PIK3R5: variants seen among roughly 807,000 people sequenced by gnomAD.
PIK3R5 encodes phosphoinositide-3-kinase regulatory subunit 5.
In PIK3R5, 32 loss-of-function variants were observed where a neutral mutation model predicts 94.9. That is an observed-to-expected ratio of 0.34 (90% confidence interval 0.25 to 0.45). The LOEUF is 0.45. Ranked by LOEUF, PIK3R5 falls within the 20% of genes least tolerant of loss-of-function variation. The probability of loss-of-function intolerance (pLI) is 1.00; values close to 1 mark genes in which losing one functional copy is unlikely to be tolerated. For synonymous variants in PIK3R5, 443 were observed against 479.4 expected, an observed-to-expected ratio of 0.92 and a Z score of 0.99; for missense variants, 853 against 1,144.6, an observed-to-expected ratio of 0.75 and a Z score of 3.68.
rs2089690128 is a variant in PIK3R5 at position 8,882,307 on chromosome 17, C to T, written c.2206-426G>A. ...TTAAACCGAAGAACACTTCTTGGTC[C>T]TCAGCTTACTTGACCTTACAGTTCA... On this transcript the variant is annotated intron_variant, in intron 15 of 18. Coordinates refer to ENST00000447110, the MANE Select transcript of PIK3R5 (RefSeq NM_001142633.3). This position sits in a 1 kb window ranked among gnomAD's most constrained non-coding sequence, Gnocchi z 4.1. 1 of 193,938 alleles carries T rather than the reference C, an allele frequency of 5.2e-6. No homozygotes were observed. The highest frequency in any genetic ancestry group is 2.3e-5 in the African/African-American group (1 of 43,406). 12.0% of individuals were successfully genotyped at this position (193,938 alleles called of 1,614,324 possible).
intron 1 of PIK3R5, among the ~76,000 whole-genome samples, chr17:8,915,375 G>A (rs1442744073): frequency 6.7e-6 from 1 of 148,514 alleles, no homozygotes; most frequent in African/African-American, 2.5e-5. Context: ...GGTGAGCCAA[G>A]ATCATGCCAG....
At chr17:8,954,895 C>T (rs1356678678) in intron 1 of PIK3R5, among the ~76,000 whole-genome samples, 1 of 149,386 alleles carries the variant, frequency 6.7e-6, no homozygotes, top group East Asian at 2.0e-4. Context: ...TAAGATTGTG[C>T]CACTGCACTC....
intron 1 of PIK3R5, among the ~76,000 whole-genome samples, chr17:8,918,589 T>C (rs1198272030): frequency 1.3e-5 from 2 of 152,112 alleles, no homozygotes; most frequent in African/African-American, 2.4e-5. Context: ...GTGAGAGGAA[T>C]GAGAGAAATA....
intron 1 of PIK3R5, among the ~76,000 whole-genome samples, chr17:8,961,376 T>C (rs969962078): frequency 2.6e-5 from 4 of 152,116 alleles, no homozygotes; most frequent in Admixed American, 6.5e-5. Flanking sequence ...TGCTCACACC[T>C]GTAATCCCAG....
chr17:8,927,262 C>A (rs2090900559), intron 1 of PIK3R5, among the ~76,000 whole-genome samples: 1 of 152,210 alleles, frequency 6.6e-6, no homozygotes, highest in Non-Finnish European at 1.5e-5. Flanking sequence ...TAGACAATAC[C>A]TGCTCTATTC....
intron 18 of PIK3R5, 27 bp downstream of exon 18, chr17:8,880,877 TC>T (rs781274038): frequency 6.2e-7 from 1 of 1,612,786 alleles, no homozygotes; most frequent in Non-Finnish European, 8.5e-7. Context: ...CAGAAACTGC[TC>T]CCCTCCCTAG....
chr17:8,910,878 G>A (rs759548511), intron 2 of PIK3R5, among the ~76,000 whole-genome samples: 7 of 152,226 alleles, frequency 4.6e-5, no homozygotes, highest in South Asian at 2.1e-4. Context: ...ACAGCCAGGC[G>A]CCAGCCTTCA....
chr17:8,954,589 C>T (rs1258512838), intron 1 of PIK3R5, among the ~76,000 whole-genome samples: 2 of 152,190 alleles, frequency 1.3e-5, no homozygotes, highest in Non-Finnish European at 2.9e-5. Flanking sequence ...GCTTCCCCTG[C>T]TCTCAGACTT....
chr17:8,947,254 G>C (rs962256658), intron 1 of PIK3R5, among the ~76,000 whole-genome samples: 2 of 152,200 alleles, frequency 1.3e-5, no homozygotes, highest in African/African-American at 4.8e-5. Flanking sequence ...ATGAATCCCT[G>C]CTCCTCGGTC....
rs1313980148 is a variant in PIK3R5 at position 8,904,633 on chromosome 17, A to C, written c.412+144T>G. ...TGCTTGATGGTGCTGTGAAGAGGAG[A>C]CTCCATGTTTGTGAACCAAGGCGTT... On this transcript the variant is annotated intron_variant, in intron 5 of 18. Transcript: ENST00000447110. This position sits in a 1 kb window ranked among gnomAD's most constrained non-coding sequence, Gnocchi z 5.1. 6.9e-6 allele frequency: 5 copies of C among 722,028 alleles called. No homozygotes were observed. Among genetic ancestry groups the C allele is most frequent in the African/African-American group, 1.8e-5 (1 of 56,692 alleles). The allele number at this position is 722,028 out of a possible 1,614,324, so 44.7% of individuals were successfully genotyped here. A position where few individuals can be genotyped will look rare whatever the true frequency, so the allele number is the denominator to read the frequency against.
intron 1 of PIK3R5, among the ~76,000 whole-genome samples, chr17:8,953,357 C>G (rs556856271): frequency 6.6e-6 from 1 of 152,306 alleles, no homozygotes; most frequent in East Asian, 1.9e-4. Flanking sequence ...TCATCTCCCT[C>G]CTCAACCCCA....
At chr17:8,902,032 C>A (rs545194379) in intron 5 of PIK3R5, among the ~76,000 whole-genome samples, 3 of 151,844 alleles carry the variant, frequency 2.0e-5, no homozygotes, top group Admixed American at 1.3e-4. Context: ...CCAGCGCTGG[C>A]ATTTTTGTTC....
intron 1 of PIK3R5, among the ~76,000 whole-genome samples, chr17:8,949,679 C>T (rs1306195200): frequency 6.6e-6 from 1 of 152,164 alleles, no homozygotes; most frequent in African/African-American, 2.4e-5. Flanking sequence ...AACCGAACAT[C>T]ATATGTTCTG....
rs1053717764 is a variant in PIK3R5 at position 8,881,718 on chromosome 17, G to A, written c.2300-6C>T. 20 of 1,613,336 alleles carry A rather than the reference G, an allele frequency of 1.2e-5. No individual in the cohort carries two copies. The highest frequency in any genetic ancestry group is 5.5e-5 in the South Asian group (5 of 91,050). Reference sequence around the variant, plus strand: ...CAGGGCCTCCATGCTGGAATCTGAGGGGCAAGGACACTCAGGCCAGGCTCA... The same window carrying A: ...CAGGGCCTCCATGCTGGAATCTGAGAGGCAAGGACACTCAGGCCAGGCTCA... On this transcript the variant is annotated splice_polypyrimidine_tract_variant and splice_region_variant and intron_variant, in intron 16 of 18. Transcript: ENST00000447110. The surrounding 1 kb of genome is among the most constrained non-coding windows in gnomAD (Gnocchi z 4.8).
chr17:8,929,431 C>T (rs8076812), intron 1 of PIK3R5, among the ~76,000 whole-genome samples: 124,504 of 152,078 alleles, frequency 0.82, 51,253 homozygotes, highest in Non-Finnish European at 0.86. Context: ...TAAAGTGGAG[C>T]TCAGAGCAAA....
rs761533890 is a variant in PIK3R5 at position 8,888,164 on chromosome 17, C to T, written c.1616+7G>A. 6.2e-7 allele frequency: 1 copy of T among 1,613,128 alleles called. No individual in the cohort carries two copies. The highest frequency in any genetic ancestry group is 8.5e-7 in the Non-Finnish European group (1 of 1,179,822). On this transcript the variant is annotated splice_region_variant and intron_variant, in intron 10 of 18. Transcript: ENST00000447110. The surrounding 1 kb of genome is among the most constrained non-coding windows in gnomAD (Gnocchi z 7.8). ...GGCAGAGGGATGCTCCGCATTACGG[C>T]TCTTACCGAAGGTTGCTGTACGCCC...
Position 8,884,650 on chromosome 17 carries a change from C to T in PIK3R5, c.2205+57G>A, listed in dbSNP as rs144814343. On this transcript the variant is annotated intron_variant, in intron 15 of 18. Coordinates refer to ENST00000447110, the MANE Select transcript of PIK3R5 (RefSeq NM_001142633.3). This position sits in a 1 kb window ranked among gnomAD's most constrained non-coding sequence, Gnocchi z 5.8. ...GTCCAGCTCTGGGTCCAAGCTCTGG[C>T]GGAGGAAGTATCAGCAGCAGATCCT... 6.0e-5 allele frequency: 83 copies of T among 1,382,326 alleles called. No individual in the cohort carries two copies. Among genetic ancestry groups the T allele is most frequent in the Admixed American group, 3.3e-4 (19 of 57,692 alleles). 85.6% of individuals were successfully genotyped at this position (1,382,326 alleles called of 1,614,324 possible).
At chr17:8,958,700 G>A (rs984927816) in intron 1 of PIK3R5, among the ~76,000 whole-genome samples, 2 of 151,916 alleles carry the variant, frequency 1.3e-5, no homozygotes, top group African/African-American at 4.8e-5. Context: ...ATGCCTCTCT[G>A]ATCCGTAGAC....
Position 8,886,283 on chromosome 17 carries a change from T to C in PIK3R5, c.2074A>G (p.Ile692Val), listed in dbSNP as rs776932060. The C allele has an allele frequency of 6.2e-7, 1 of 1,613,738 alleles. No individual in the cohort carries two copies. The highest frequency in any genetic ancestry group is 1.3e-5 in the African/African-American group (1 of 75,060). ...GAGTGACCCAGCTCCAAGGAGTGGA[T>C]GAAGATCTCTGTCGTCTTCTCCCCA... ...ITGEKTTEIF[I>V]HSLELGHSAA... The change falls in exon 14 of 19, where the codon ATC becomes GTC. Residue 692 changes from isoleucine (I) to valine (V), a missense_variant. Physicochemically the swap from Ile to Val is conservative, Grantham distance 29 (BLOSUM62 3). Around this residue, in one of 6 missense-constraint regions of PIK3R5, gnomAD observed 173 missense variants for 274.1 expected, o/e 0.63. Transcript: ENST00000447110.
Sources: allele counts gnomAD v4.1 joint callset (sites outside exome capture counted in the v4.1 genomes callset), GRCh38; gene constraint gnomAD v4.1.1; regional missense constraint gnomAD v4.1.1; non-coding constraint Gnocchi (gnomAD v3.1); transcripts MANE v1.5; gene names NCBI Gene and HGNC (gene_info 2026-07-23, HGNC 2026-07-21).